Variants in CCDC82 observed in about 807,000 individuals in gnomAD.
CCDC82 encodes the protein coiled-coil domain-containing protein 82.
Under a neutral mutation model 60.6 loss-of-function variants are expected in CCDC82, and 47 were observed. That is an observed-to-expected ratio of 0.77 (90% confidence interval 0.61 to 0.99). CCDC82 has a LOEUF of 0.99. Ranked by LOEUF, CCDC82 falls within the 50% of genes least tolerant of loss-of-function variation. The pLI is 0.00. For synonymous variants in CCDC82, 212 were observed against 207.4 expected (o/e 1.02, Z -0.19); for missense variants, 588 against 633.0 (o/e 0.93, Z 0.76).
At chr11:96,374,206 C>T (rs189528750) in intron 5 of CCDC82, among the ~76,000 whole-genome samples, 183 of 152,324 alleles carry the variant, frequency 1.2e-3, no homozygotes, top group Non-Finnish European at 1.8e-3. Flanking sequence ...ATGCCCTGCT[C>T]AGGGCACCTG....
chr11:96,363,514 GC>G (rs1160382705), intron 8 of CCDC82: 4 of 152,044 alleles, frequency 2.6e-5, no homozygotes, highest in Non-Finnish European at 5.9e-5. Context: ...TTATATAGAT[GC>G]CTAGACAGTG....
Position 96,358,712 on chromosome 11 carries a change from T to C in CCDC82, c.1566+281A>G. On this transcript the variant is annotated intron_variant, in intron 9 of 9. Transcript: ENST00000646818. Reference sequence around the variant, plus strand: ...GGGGACTTAATATATATGTAAGCAATACATACATAAAAGCGAAAGGACAGA... The same window carrying C: ...GGGGACTTAATATATATGTAAGCAACACATACATAAAAGCGAAAGGACAGA... 3.4e-6 allele frequency: 4 copies of C among 1,159,748 alleles called. No homozygotes were observed. The Middle Eastern group carries it at 9.0e-4, about 262-fold the overall frequency. 71.8% of individuals were successfully genotyped at this position (1,159,748 alleles called of 1,614,324 possible). A position where few individuals can be genotyped will look rare whatever the true frequency, so the allele number is the denominator to read the frequency against.
At chr11:96,370,623 A>G (rs1394407489) in intron 7 of CCDC82, among the ~76,000 whole-genome samples, 1 of 152,216 alleles carries the variant, frequency 6.6e-6, no homozygotes, top group Non-Finnish European at 1.5e-5. Context: ...TTGAATATTT[A>G]TAACATAAAT....
intron 8 of CCDC82, 191 bp downstream of exon 8, chr11:96,364,789 A>T: frequency 2.0e-6 from 1 of 512,566 alleles, no homozygotes; most frequent in Non-Finnish European, 3.5e-6. Context: ...TAGTTGAAGC[A>T]CAGTGTTTTT....
Position 96,359,086 on chromosome 11 carries a change from G to A in CCDC82, c.1473C>T (p.Thr491=). 2 of 1,606,200 alleles carry A rather than the reference G, an allele frequency of 1.2e-6. No homozygotes were observed. Among genetic ancestry groups the A allele is most frequent in the Non-Finnish European group, 1.7e-6 (2 of 1,177,932 alleles). Residue 491 remains threonine (T), a synonymous_variant, in exon 9 of 10, where the codon ACC becomes ACT. Coordinates refer to ENST00000646818, the MANE Select transcript of CCDC82 (RefSeq NM_024725.4). Reference sequence around the variant, plus strand: ...CTTCAACTTCTTCTGTCATTGCAATGGTGCAACATTCCTGGTATAGTTTGA... The same window carrying A: ...CTTCAACTTCTTCTGTCATTGCAATAGTGCAACATTCCTGGTATAGTTTGA... The part of the protein sequence containing the change: ...FKFKLYQECC[T]IAMTEEVEDE...
At chr11:96,373,260 T>C in intron 6 of CCDC82, 115 bp downstream of exon 6, 1 of 619,286 alleles carries the variant, frequency 1.6e-6, no homozygotes, top group East Asian at 2.8e-5. Context: ...CATTGGAAGG[T>C]CTTACAAATG....
intron 7 of CCDC82, among the ~76,000 whole-genome samples, chr11:96,369,500 A>G (rs1337768541): frequency 6.6e-6 from 1 of 152,194 alleles, no homozygotes; most frequent in Non-Finnish European, 1.5e-5. Context: ...GTCTTAAGGA[A>G]TAAGGATGCC....
intron 9 of CCDC82, chr11:96,357,028 TC>T: frequency 3.0e-6 from 3 of 985,414 alleles, no homozygotes; most frequent in Non-Finnish European, 3.6e-6. Context: ...CCCCAGGCAT[TC>T]TAAAGGGTTA....
intron 9 of CCDC82, chr11:96,356,851 A>G (rs1490098743): frequency 2.0e-6 from 2 of 985,262 alleles, no homozygotes; most frequent in Admixed American, 6.2e-5. Flanking sequence ...GAGATAATTA[A>G]AGTAAAATGG....
chr11:96,360,738 C>T (rs1479145112), intron 8 of CCDC82, among the ~76,000 whole-genome samples: 2 of 152,130 alleles, frequency 1.3e-5, no homozygotes, highest in African/African-American at 4.8e-5. Flanking sequence ...ACACTTGTTT[C>T]CTGAGGCCAC....
At position 96,353,513 on chromosome 11, in the gene CCDC82, T is replaced by C; in HGVS notation, c.*133A>G. The stretch of plus-strand genomic sequence containing the variant: ...TGCCACTTCACAGGAATTAAGATAA[T>C]CATGTTTTAAACAAAATATTTTGCC... On this transcript the variant is annotated 3_prime_UTR_variant, in exon 10 of 10. Transcript: ENST00000646818. The C allele has an allele frequency of 8.6e-6, 6 of 697,590 alleles. No individual in the cohort carries two copies. Among genetic ancestry groups the C allele is most frequent in the Non-Finnish European group, 1.5e-5 (6 of 402,298 alleles). 43.2% of individuals were successfully genotyped at this position (697,590 alleles called of 1,614,324 possible). A position where few individuals can be genotyped will look rare whatever the true frequency, so the allele number is the denominator to read the frequency against.
chr11:96,372,525 T>C (rs1316922266), intron 6 of CCDC82, among the ~76,000 whole-genome samples: 2 of 151,142 alleles, frequency 1.3e-5, no homozygotes, highest in African/African-American at 2.4e-5. Context: ...GTTCAATATA[T>C]TGTAAATGAA....
intron 9 of CCDC82, chr11:96,358,148 C>A: frequency 1.0e-6 from 1 of 987,080 alleles, no homozygotes; most frequent in East Asian, 1.1e-4. Context: ...ATGATATAGT[C>A]CAGGCAATGG....
Position 96,359,182 on chromosome 11 carries a change from A to G in CCDC82, c.1381-4T>C, listed in dbSNP as rs373996097. On this transcript the variant is annotated splice_polypyrimidine_tract_variant and splice_region_variant and intron_variant, in intron 8 of 9. Coordinates refer to ENST00000646818, the MANE Select transcript of CCDC82 (RefSeq NM_024725.4). ...AAATTCTGCCAACAGTGAACACCTA[A>G]ATCAAGAAATAAAGATTGTTATCTG... The G allele has an allele frequency of 1.9e-6, 3 of 1,553,774 alleles. No homozygotes were observed. In the South Asian group the frequency reaches 3.7e-5, roughly 19 times the overall value.
At chr11:96,357,822 A>G (rs1864424268) in intron 9 of CCDC82, 1 of 985,276 alleles carries the variant, frequency 1.0e-6, no homozygotes, top group East Asian at 1.1e-4. Context: ...TCCTAAAGCA[A>G]ATGAAAAAGT....
At chr11:96,357,443 A>G in intron 9 of CCDC82, 1 of 985,146 alleles carries the variant, frequency 1.0e-6, no homozygotes. Context: ...AAGAAAGCCT[A>G]AGCTCCTTTC....
intron 6 of CCDC82, 137 bp downstream of exon 6, chr11:96,373,238 C>A: frequency 1.8e-6 from 1 of 570,434 alleles, no homozygotes; most frequent in Non-Finnish European, 3.2e-6. Context: ...GTAGTTGATC[C>A]TACAGGGAAA....
intron 3 of CCDC82, chr11:96,385,846 A>C (rs1389195468): frequency 6.6e-6 from 1 of 152,136 alleles, no homozygotes; most frequent in East Asian, 1.9e-4. Context: ...GTTGTTAGGG[A>C]ATAGAAATAT....
intron 5 of CCDC82, among the ~76,000 whole-genome samples, chr11:96,379,247 A>G (rs1865744293): frequency 6.6e-6 from 1 of 151,932 alleles, no homozygotes; most frequent in African/African-American, 2.4e-5. Context: ...GGCAAATTGA[A>G]AACTGTCTAT....
Sources: gnomAD v4.1 joint callset for allele counts (sites outside exome capture counted in the v4.1 genomes callset) on GRCh38, gnomAD v4.1.1 for gene constraint, MANE v1.5 for transcripts, NCBI Gene and HGNC (gene_info 2026-07-23, HGNC 2026-07-21) for gene names.